The following PPP2R2B variants were observed in gnomAD, a reference collection of about 807,000 sequenced individuals.
PPP2R2B encodes the protein serine/threonine-protein phosphatase 2A 55 kDa regulatory subunit B beta isoform.
Under a neutral mutation model 46.0 loss-of-function variants are expected in PPP2R2B, and 5 were observed. That is an observed-to-expected ratio of 0.11 (90% CI 0.06 to 0.23). The LOEUF (loss-of-function observed/expected upper bound fraction) is 0.23. PPP2R2B is among the 10% of genes least tolerant of loss of function. PPP2R2B has a pLI of 1.00. For synonymous variants in PPP2R2B, 215 were observed against 206.7 expected (o/e 1.04, Z -0.34); for missense variants, 367 against 575.0 (o/e 0.64, Z 3.70).
rs560311738 is a variant in PPP2R2B at position 146,772,536 on chromosome 5, TC to T, written c.71-71395del. Among the ~76,000 whole-genome samples the T allele has an allele frequency of 1.6e-3, 244 of 151,510 alleles. 1 individual carries two copies. The highest frequency in any genetic ancestry group is 5.6e-3 in the African/African-American group (229 of 41,260). ...TGGGGTCAAAGAGGGGATAACAACT[TC>T]TTTGTCTATATTCTTCTGTGTTTCC... On this transcript the variant is annotated intron_variant, in intron 2 of 9. Transcript: ENST00000394411.
intron 1 of PPP2R2B, among the ~76,000 whole-genome samples, chr5:146,980,306 T>C (rs1181500500): frequency 6.6e-6 from 1 of 152,098 alleles, no homozygotes; most frequent in Non-Finnish European, 1.5e-5. Context: ...CAGCCAGAAG[T>C]TTTCTGAGCA....
At chr5:147,005,862 C>T (rs1022601312) in intron 1 of PPP2R2B, among the ~76,000 whole-genome samples, 9 of 152,166 alleles carry the variant, frequency 5.9e-5, no homozygotes, top group African/African-American at 1.9e-4. Context: ...TACCCTATTC[C>T]TTTAAAAGCC....
intron 2 of PPP2R2B, among the ~76,000 whole-genome samples, chr5:146,873,727 C>G (rs1219173165): frequency 6.6e-6 from 1 of 152,176 alleles, no homozygotes; most frequent in Non-Finnish European, 1.5e-5. Flanking sequence ...TTTCCTGCCT[C>G]AGCCTCCTGA....
chr5:146,812,769 A>ATGTG (rs199567203), intron 2 of PPP2R2B, among the ~76,000 whole-genome samples: 1 of 36,282 alleles, frequency 2.8e-5, no homozygotes, highest in African/African-American at 1.1e-4. Flanking sequence ...GAGTTACTTA[A>ATGTG]TGTGTGTGTG....
At chr5:146,881,694 G>A (rs608924), upstream of PPP2R2B, among the ~76,000 whole-genome samples, 5,752 of 152,268 alleles carry the variant, frequency 0.038, 399 homozygotes, top group African/African-American at 0.13. Context: ...TTACTGGCGT[G>A]AGCCACCATG....
intron 2 of PPP2R2B, among the ~76,000 whole-genome samples, chr5:146,798,841 TG>T (rs1348087955): frequency 6.6e-6 from 1 of 152,204 alleles, no homozygotes; most frequent in Non-Finnish European, 1.5e-5. Flanking sequence ...ATAGTAGATC[TG>T]GGAATCAGGT....
At chr5:146,714,722 A>G (rs1780394110) in intron 2 of PPP2R2B, among the ~76,000 whole-genome samples, 1 of 152,204 alleles carries the variant, frequency 6.6e-6, no homozygotes, top group Non-Finnish European at 1.5e-5. Flanking sequence ...GATTCTTAAA[A>G]CATTTAGTAT....
chr5:146,690,112 C>T (rs1778747658), intron 5 of PPP2R2B, among the ~76,000 whole-genome samples: 2 of 152,208 alleles, frequency 1.3e-5, no homozygotes, highest in Admixed American at 1.3e-4. Context: ...ACTTCACTGT[C>T]TCCCTTCTTA....
intron 1 of PPP2R2B, among the ~76,000 whole-genome samples, chr5:146,886,231 C>T (rs1285660140): frequency 2.0e-5 from 3 of 151,792 alleles, no homozygotes; most frequent in African/African-American, 4.8e-5. Flanking sequence ...CCCAGTTACT[C>T]GGGAAGCTGA....
At chr5:146,820,872 CT>C (rs1175819465) in intron 2 of PPP2R2B, among the ~76,000 whole-genome samples, 16 of 152,312 alleles carry the variant, frequency 1.1e-4, no homozygotes, top group Admixed American at 3.3e-4. Context: ...CACCATTGAC[CT>C]AGATAGAAGC....
intron 1 of PPP2R2B, among the ~76,000 whole-genome samples, chr5:147,033,217 T>C (rs527887937): frequency 9.8e-5 from 15 of 152,296 alleles, no homozygotes; most frequent in Non-Finnish European, 2.1e-4. Flanking sequence ...GTCCTGGGCC[T>C]CCTTCTATTT....
chr5:146,936,626 T>C (rs1582459420), intron 1 of PPP2R2B, among the ~76,000 whole-genome samples: 1 of 151,506 alleles, frequency 6.6e-6, no homozygotes, highest in African/African-American at 2.4e-5. Flanking sequence ...TACAGAGAGA[T>C]AGTAAGAGGA....
At chr5:146,732,567 T>G (rs1431017276) in intron 2 of PPP2R2B, among the ~76,000 whole-genome samples, 2 of 152,150 alleles carry the variant, frequency 1.3e-5, no homozygotes, top group African/African-American at 4.8e-5. Context: ...TGAATTCCAG[T>G]TGAAACCATG....
intron 7 of PPP2R2B, among the ~76,000 whole-genome samples, chr5:146,634,705 G>C (rs952120165): frequency 2.0e-5 from 3 of 151,924 alleles, no homozygotes; most frequent in Admixed American, 6.6e-5. Flanking sequence ...TGCAGAGCTT[G>C]GGACTTGTCA....
intron 1 of PPP2R2B, among the ~76,000 whole-genome samples, chr5:147,022,793 T>C (rs1322270442): frequency 6.6e-6 from 1 of 151,718 alleles, no homozygotes; most frequent in African/African-American, 2.4e-5. Flanking sequence ...AACCATAAGA[T>C]AATGGGAGAA....
chr5:146,803,217 C>T (rs1024559365), intron 2 of PPP2R2B, among the ~76,000 whole-genome samples: 2 of 152,114 alleles, frequency 1.3e-5, no homozygotes, highest in African/African-American at 4.8e-5. Context: ...ATCAAATCCC[C>T]AGGCAATTTG....
At chr5:146,910,690 A>G (rs1449571604) in intron 1 of PPP2R2B, among the ~76,000 whole-genome samples, 2 of 152,216 alleles carry the variant, frequency 1.3e-5, no homozygotes, top group African/African-American at 4.8e-5. Context: ...TGTTACTGTT[A>G]ATAATACATT....
At chr5:146,760,835 C>T (rs1754117451) in intron 2 of PPP2R2B, among the ~76,000 whole-genome samples, 1 of 151,886 alleles carries the variant, frequency 6.6e-6, no homozygotes, top group South Asian at 2.1e-4. Flanking sequence ...GAGGGTTGTC[C>T]CATCAAAAAG....
intron 5 of PPP2R2B, among the ~76,000 whole-genome samples, chr5:146,687,843 G>A (rs1382190574): frequency 6.6e-6 from 1 of 152,158 alleles, no homozygotes; most frequent in African/African-American, 2.4e-5. Context: ...TAGCTGTCGG[G>A]TATTATTAAA....
Sources: gnomAD v4.1 joint callset for allele counts (sites outside exome capture counted in the v4.1 genomes callset) on GRCh38, gnomAD v4.1.1 for gene constraint, MANE v1.5 for transcripts, NCBI Gene and HGNC (gene_info 2026-07-23, HGNC 2026-07-21) for gene names.